EMC3: variants seen among roughly 807,000 people sequenced by gnomAD.
EMC3 encodes 30 kDa protein.
EMC3 carries 13 observed loss-of-function variants against 36.6 expected under a neutral mutation model. The ratio of observed to expected loss-of-function variants is 0.35; its 90% CI spans 0.23 to 0.56. The LOEUF is 0.56. EMC3 is among the 20% of genes least tolerant of loss of function. The pLI is 0.84. For synonymous variants in EMC3, 120 were observed against 111.9 expected (o/e 1.07, Z -0.46); for missense variants, 220 against 324.5 (o/e 0.68, Z 2.47).
intron 3 of EMC3, among the ~76,000 whole-genome samples, chr3:9,975,616 T>G (rs976692838): frequency 6.6e-6 from 1 of 151,842 alleles, no homozygotes; most frequent in Admixed American, 6.6e-5. Flanking sequence ...ATGGAGACCA[T>G]CCTGGCTAAC....
chr3:9,995,036 T>TA (rs71307727), intron 1 of EMC3, among the ~76,000 whole-genome samples: 34,250 of 151,912 alleles, frequency 0.23, 4,459 homozygotes, highest in African/African-American at 0.36. Context: ...TGAAGATTTG[T>TA]AAAAAAAATT....
At chr3:9,995,946 C>A (rs750940063) in intron 1 of EMC3, among the ~76,000 whole-genome samples, 1 of 151,728 alleles carries the variant, frequency 6.6e-6, no homozygotes, top group Non-Finnish European at 1.5e-5. Context: ...TTTATTCTTA[C>A]CACAAACATT....
chr3:9,996,702 G>T (rs921034657), intron 1 of EMC3, among the ~76,000 whole-genome samples: 1 of 152,078 alleles, frequency 6.6e-6, no homozygotes, highest in Non-Finnish European at 1.5e-5. Flanking sequence ...AGAGTATCCA[G>T]TGAAAAATAA....
intron 1 of EMC3, among the ~76,000 whole-genome samples, chr3:9,993,285 A>G (rs1040087943): frequency 6.6e-6 from 1 of 152,232 alleles, no homozygotes; most frequent in African/African-American, 2.4e-5. Context: ...TATTTGAACT[A>G]TCACTCTTTG....
At chr3:9,986,895 C>T, upstream of EMC3, 1 of 1,322,176 alleles carries the variant, frequency 7.6e-7, no homozygotes, top group South Asian at 1.8e-5. Context: ...GTCAGAGCGG[C>T]GTCGGGCCTG....
chr3:9,996,432 G>A (rs1559357714), intron 1 of EMC3, among the ~76,000 whole-genome samples: 1 of 152,096 alleles, frequency 6.6e-6, no homozygotes, highest in African/African-American at 2.4e-5. Context: ...GCAACAGAGT[G>A]AGACTCTATC....
chr3:9,996,693 G>C (rs2086130121), intron 1 of EMC3, among the ~76,000 whole-genome samples: 1 of 151,996 alleles, frequency 6.6e-6, no homozygotes, highest in Admixed American at 6.6e-5. Flanking sequence ...ACATATAGAA[G>C]AGTATCCAGT....
intron 1 of EMC3, chr3:10,002,577 C>T (rs2086216719): frequency 8.5e-6 from 3 of 354,452 alleles, no homozygotes; most frequent in Non-Finnish European, 1.1e-5. Flanking sequence ...TGAGCCACCG[C>T]GCCAAGCCTT....
chr3:10,007,475 G>A (rs1454486878), intron 1 of EMC3: 2 of 1,367,662 alleles, frequency 1.5e-6, no homozygotes, highest in Admixed American at 1.9e-5. Flanking sequence ...TGTCTAGTGT[G>A]GCATTGGCCT....
rs1186111992 is a variant in EMC3, at chr3:9,964,126, G to A, written c.729C>T (p.Ala243=). ...ACATGCCTTCGAAGTGGAGGTCTTT[G>A]GCCATGAGCTCTTCTTCGACATCAT... ...ALDDVEEELM[A]KDLHFEGMFK... Residue 243 remains alanine, a synonymous_variant, in exon 8 of 8, where the codon GCC becomes GCT. Transcript: ENST00000245046. 1 of 1,614,140 alleles carries A rather than the reference G, an allele frequency of 6.2e-7. No individual in the cohort carries two copies. Among genetic ancestry groups the A allele is most frequent in the South Asian group, 1.1e-5 (1 of 91,082 alleles).
chr3:9,997,070 A>G (rs2086134945), intron 1 of EMC3, among the ~76,000 whole-genome samples: 1 of 152,174 alleles, frequency 6.6e-6, no homozygotes, highest in African/African-American at 2.4e-5. Flanking sequence ...TGTACCCATT[A>G]GGCAATAATT....
At chr3:9,979,729 C>A (rs1039942126) in intron 1 of EMC3, among the ~76,000 whole-genome samples, 2 of 152,108 alleles carry the variant, frequency 1.3e-5, no homozygotes, top group Admixed American at 1.3e-4. Flanking sequence ...GATGGTATTG[C>A]AAGAGTGCAT....
intron 1 of EMC3, among the ~76,000 whole-genome samples, chr3:9,981,127 G>A (rs995621300): frequency 7.9e-5 from 12 of 152,156 alleles, no homozygotes; most frequent in South Asian, 2.1e-4. Flanking sequence ...ACTTGAGCCC[G>A]GGAGATCGAG....
intron 5 of EMC3, among the ~76,000 whole-genome samples, chr3:9,972,880 G>A (rs2085802302): frequency 1.3e-5 from 2 of 149,618 alleles, no homozygotes; most frequent in Non-Finnish European, 3.0e-5. Context: ...CCAGGCTGGA[G>A]TGCAGCAGCG....
intron 1 of EMC3, among the ~76,000 whole-genome samples, chr3:9,980,997 G>A (rs529308647): frequency 6.6e-6 from 1 of 152,158 alleles, no homozygotes; most frequent in Admixed American, 6.5e-5. Flanking sequence ...GAGCCCTGGA[G>A]TTCAAGAACA....
chr3:9,975,997 C>T (rs2085845625), intron 3 of EMC3, among the ~76,000 whole-genome samples: 1 of 152,046 alleles, frequency 6.6e-6, no homozygotes, highest in African/African-American at 2.4e-5. Context: ...ATTATAATAC[C>T]TTCCGTATGG....
At chr3:10,002,740 G>T (rs1004258231) in intron 1 of EMC3, 3 of 437,186 alleles carry the variant, frequency 6.9e-6, no homozygotes, top group Middle Eastern at 3.4e-4. Context: ...AAGAGGAGGA[G>T]ACCTGCACAA....
At chr3:9,977,532 C>T (rs2085862880) in intron 1 of EMC3, 86 bp from the exon 2 acceptor site, 1 of 1,226,150 alleles carries the variant, frequency 8.2e-7, no homozygotes, top group Admixed American at 2.2e-5. Context: ...CCTATTTAAA[C>T]ACAAGAGAGG....
intron 1 of EMC3, among the ~76,000 whole-genome samples, chr3:9,984,950 G>T (rs896992601): frequency 2.0e-5 from 3 of 152,142 alleles, no homozygotes; most frequent in Non-Finnish European, 4.4e-5. Context: ...TCATAGAGTT[G>T]CTTTGAAGTT....
Sources: gnomAD v4.1 joint callset for allele counts (sites outside exome capture counted in the v4.1 genomes callset) on GRCh38, gnomAD v4.1.1 for gene constraint, MANE v1.5 for transcripts, NCBI Gene and HGNC (gene_info 2026-07-23, HGNC 2026-07-21) for gene names.